The following LHFPL3 variants were observed in gnomAD, a reference collection of about 807,000 sequenced individuals.
The protein encoded by LHFPL3 is LHFPL tetraspan subfamily member 3, also known as LHFPL tetraspan subfamily member 3 protein.
In LHFPL3, 5 loss-of-function variants were observed where a neutral mutation model predicts 19.3. That is an observed-to-expected ratio of 0.26 (90% CI 0.14 to 0.54). LHFPL3 has a LOEUF of 0.54. LHFPL3 is among the 20% of genes least tolerant of loss of function. LHFPL3 has a pLI of 0.94. For synonymous variants in LHFPL3, 133 were observed against 126.2 expected, an observed-to-expected ratio of 1.05 and a Z score of -0.36; for missense variants, 249 against 307.4, an observed-to-expected ratio of 0.81 and a Z score of 1.42.
chr7:104,646,348 G>A (rs1271860559), intron 1 of LHFPL3, among the ~76,000 whole-genome samples: 1 of 152,110 alleles, frequency 6.6e-6, no homozygotes, highest in East Asian at 1.9e-4. Context: ...TCTATAGCAC[G>A]CCCTAATCGC....
intron 2 of LHFPL3, among the ~76,000 whole-genome samples, chr7:104,791,364 T>C (rs1790019834): frequency 2.0e-5 from 3 of 152,212 alleles, no homozygotes; most frequent in South Asian, 4.1e-4. Context: ...AATCATGGAG[T>C]TAAGCATAGA....
At chr7:104,470,068 G>A (rs762794792) in intron 1 of LHFPL3, 31 of 455,918 alleles carry the variant, frequency 6.8e-5, no homozygotes, top group Non-Finnish European at 1.3e-4. Context: ...ATTCTGAATG[G>A]AAAGAATGGT....
intron 1 of LHFPL3, among the ~76,000 whole-genome samples, chr7:104,439,052 C>T (rs1240640161): frequency 6.6e-6 from 1 of 152,068 alleles, no homozygotes. Context: ...AAGTAGAAAA[C>T]ATAAATAGCC....
At chr7:104,543,772 G>A (rs556322732) in intron 1 of LHFPL3, among the ~76,000 whole-genome samples, 22 of 104,042 alleles carry the variant, frequency 2.1e-4, no homozygotes, top group Admixed American at 2.0e-3. Flanking sequence ...TTGTGGGGTG[G>A]GGGGAGGGGG....
intron 2 of LHFPL3, among the ~76,000 whole-genome samples, chr7:104,825,514 T>C (rs994036923): frequency 1.3e-5 from 2 of 151,872 alleles, no homozygotes; most frequent in Non-Finnish European, 2.9e-5. Flanking sequence ...AAACCTGTCA[T>C]TCAGAACTGC....
At chr7:104,523,660 G>A (rs1393482835) in intron 1 of LHFPL3, among the ~76,000 whole-genome samples, 16 of 152,134 alleles carry the variant, frequency 1.1e-4, no homozygotes, top group Admixed American at 9.2e-4. Flanking sequence ...CATGATGCAT[G>A]CACATGCCTC....
At chr7:104,420,167 G>A (rs1054255815) in intron 1 of LHFPL3, among the ~76,000 whole-genome samples, 1 of 152,188 alleles carries the variant, frequency 6.6e-6, no homozygotes, top group Non-Finnish European at 1.5e-5. Flanking sequence ...ACTTTTCTGG[G>A]TCTTCTTCTA....
rs561975535 is a variant in LHFPL3, at chr7:104,408,864, C to CTTTTTT, written c.445+79653_445+79658dup. On this transcript the variant is annotated intron_variant, in intron 1 of 2. Coordinates refer to ENST00000424859, the MANE Select transcript of LHFPL3 (RefSeq NM_199000.3). ...AGGCACTAGTGTTGTAATTTTCTTT[C>CTTTTTT]TTTTTTTTTTTTTTTTTTGAGACGG... Among the ~76,000 whole-genome samples the CTTTTTT allele has an allele frequency of 2.8e-4, 29 of 105,420 alleles. 3 individuals are homozygous for CTTTTTT. The highest frequency in any genetic ancestry group is 5.5e-3 in the Middle Eastern group (1 of 182). The allele number at this position is 105,420 out of a possible 152,430, so 69.2% of individuals were successfully genotyped here.
intron 1 of LHFPL3, among the ~76,000 whole-genome samples, chr7:104,671,010 A>G (rs1251901797): frequency 6.6e-6 from 1 of 152,104 alleles, no homozygotes; most frequent in Admixed American, 6.5e-5. Flanking sequence ...GGTAGACAGT[A>G]TTAGCAGAGA....
At chr7:104,417,838 A>ATTCGTATT (rs1239379003) in intron 1 of LHFPL3, among the ~76,000 whole-genome samples, 2 of 149,210 alleles carry the variant, frequency 1.3e-5, no homozygotes, top group African/African-American at 5.0e-5. Context: ...TTTTACTGTT[A>ATTCGTATT]TTCGTATTTT....
At chr7:104,472,730 T>C (rs915411512) in intron 1 of LHFPL3, among the ~76,000 whole-genome samples, 1 of 152,228 alleles carries the variant, frequency 6.6e-6, no homozygotes, top group Non-Finnish European at 1.5e-5. Context: ...TCCATGTTCA[T>C]ATCTCCCCAG....
chr7:104,629,807 C>T (rs1791608449), intron 1 of LHFPL3, among the ~76,000 whole-genome samples: 1 of 152,182 alleles, frequency 6.6e-6, no homozygotes, highest in Non-Finnish European at 1.5e-5. Context: ...CAGCTTGACA[C>T]AATGTTGCAG....
chr7:104,810,113 G>A (rs1282227013), intron 2 of LHFPL3, among the ~76,000 whole-genome samples: 1 of 152,208 alleles, frequency 6.6e-6, no homozygotes, highest in Non-Finnish European at 1.5e-5. Context: ...TGTATGTTCA[G>A]TGACTCAGAG....
chr7:104,371,090 C>T (rs1358714821), intron 1 of LHFPL3, among the ~76,000 whole-genome samples: 1 of 152,130 alleles, frequency 6.6e-6, no homozygotes, highest in Non-Finnish European at 1.5e-5. Flanking sequence ...TTTTGAACTC[C>T]TGGATCTCCT....
intron 2 of LHFPL3, among the ~76,000 whole-genome samples, chr7:104,858,903 A>G (rs12672828): frequency 0.22 from 33,057 of 151,718 alleles, 3,876 homozygotes; most frequent in South Asian, 0.39. Flanking sequence ...CTACCTGCAC[A>G]TGCCATACCT....
chr7:104,658,402 G>A (rs1025404400), intron 1 of LHFPL3, among the ~76,000 whole-genome samples: 3 of 150,934 alleles, frequency 2.0e-5, no homozygotes, highest in Admixed American at 6.6e-5. Context: ...TACTCCTTTT[G>A]CTACACAGCA....
intron 2 of LHFPL3, chr7:104,845,270 C>G: frequency 1.4e-6 from 1 of 712,764 alleles, no homozygotes; most frequent in South Asian, 1.6e-5. Context: ...TGTCTCTGCA[C>G]ACCGTCAATG....
At chr7:104,874,655 C>A (rs565643903) in intron 2 of LHFPL3, among the ~76,000 whole-genome samples, 1 of 150,652 alleles carries the variant, frequency 6.6e-6, no homozygotes, top group Non-Finnish European at 1.5e-5. Flanking sequence ...GTGATCTGCC[C>A]GCCTCGGCTG....
intron 2 of LHFPL3, among the ~76,000 whole-genome samples, chr7:104,760,115 G>A (rs1474747396): frequency 6.6e-6 from 1 of 152,196 alleles, no homozygotes; most frequent in African/African-American, 2.4e-5. Flanking sequence ...AGTGAGGCCT[G>A]AGAATCTGCC....
Sources: gnomAD v4.1 joint callset for allele counts (sites outside exome capture counted in the v4.1 genomes callset) on GRCh38, gnomAD v4.1.1 for gene constraint, MANE v1.5 for transcripts, NCBI Gene and HGNC (gene_info 2026-07-23, HGNC 2026-07-21) for gene names.